The following FHIT variants were observed in gnomAD, a reference collection of about 807,000 sequenced individuals.
FHIT encodes the protein bis(5'-adenosyl)-triphosphatase.
Under a neutral mutation model 17.9 loss-of-function variants are expected in FHIT, and 19 were observed. The ratio of observed to expected loss-of-function variants is 1.06; its 90% CI spans 0.74 to 1.56. FHIT has a LOEUF of 1.56. Ranked by LOEUF, FHIT falls within the 40% of genes most tolerant of loss-of-function variation. The pLI is 0.00. For missense variants in FHIT, 248 were observed against 189.2 expected, an observed-to-expected ratio of 1.31 and a Z score of -1.82; for synonymous variants, 81 against 69.7, an observed-to-expected ratio of 1.16 and a Z score of -0.81.
chr3:59,935,279 CTGT>C (rs747454161), intron 7 of FHIT, among the ~76,000 whole-genome samples: 6 of 152,152 alleles, frequency 3.9e-5, no homozygotes, highest in African/African-American at 7.2e-5. Context: ...TGCTTCTCAG[CTGT>C]TGTTGTAGTC....
intron 4 of FHIT, among the ~76,000 whole-genome samples, chr3:60,678,126 G>T (rs1280293576): frequency 6.6e-6 from 1 of 151,782 alleles, no homozygotes. Flanking sequence ...CTTATCCTTG[G>T]TATTGTTATC....
chr3:60,435,057 C>A (rs182663253), intron 5 of FHIT, among the ~76,000 whole-genome samples: 1 of 152,060 alleles, frequency 6.6e-6, no homozygotes, highest in Admixed American at 6.6e-5. Context: ...CTTATCAGAC[C>A]ACCCCTTATC....
chr3:60,260,600 G>T (rs888579966), intron 5 of FHIT, among the ~76,000 whole-genome samples: 2 of 151,932 alleles, frequency 1.3e-5, no homozygotes, highest in African/African-American at 4.8e-5. Context: ...AATATATTAT[G>T]CTATTTTTTT....
intron 5 of FHIT, among the ~76,000 whole-genome samples, chr3:60,417,157 G>C (rs970929187): frequency 6.6e-6 from 1 of 151,428 alleles, no homozygotes; most frequent in Non-Finnish European, 1.5e-5. Flanking sequence ...GGCTAAAAAA[G>C]TGTGGCTACA....
intron 5 of FHIT, among the ~76,000 whole-genome samples, chr3:60,063,146 C>T (rs753330789): frequency 1.3e-5 from 2 of 152,118 alleles, no homozygotes; most frequent in African/African-American, 2.4e-5. Flanking sequence ...ACAAAATTCA[C>T]AGAGAAGGTG....
chr3:60,565,576 TC>T (rs1193576789), intron 4 of FHIT, among the ~76,000 whole-genome samples: 5 of 152,112 alleles, frequency 3.3e-5, no homozygotes, highest in Non-Finnish European at 7.4e-5. Context: ...AAATGAATAC[TC>T]AGAAAAATAT....
chr3:59,853,262 A>C (rs1027824053), intron 8 of FHIT, among the ~76,000 whole-genome samples: 6 of 152,182 alleles, frequency 3.9e-5, no homozygotes, highest in Non-Finnish European at 5.9e-5. Flanking sequence ...TCATTTTTGA[A>C]ATATCCACAT....
intron 3 of FHIT, among the ~76,000 whole-genome samples, chr3:61,041,839 T>C (rs539550552): frequency 6.6e-6 from 1 of 152,256 alleles, no homozygotes; most frequent in South Asian, 2.1e-4. Flanking sequence ...ATGATAATAA[T>C]GAAAAAAGTG....
At chr3:60,480,047 G>A (rs1456321996) in intron 5 of FHIT, among the ~76,000 whole-genome samples, 1 of 152,202 alleles carries the variant, frequency 6.6e-6, no homozygotes, top group Non-Finnish European at 1.5e-5. Context: ...ATGAAGAGAA[G>A]AGGCTTAATT....
chr3:59,829,836 T>C (rs1201364514), intron 8 of FHIT, among the ~76,000 whole-genome samples: 1 of 151,974 alleles, frequency 6.6e-6, no homozygotes. Flanking sequence ...ATAAGGGAGT[T>C]TGTAAGAAAA....
intron 4 of FHIT, among the ~76,000 whole-genome samples, chr3:60,676,657 C>A (rs1263417095): frequency 6.6e-6 from 1 of 152,168 alleles, no homozygotes; most frequent in African/African-American, 2.4e-5. Context: ...TTAGTATGTA[C>A]ATGCCAGGTA....
intron 4 of FHIT, among the ~76,000 whole-genome samples, chr3:60,595,174 T>G (rs559657453): frequency 5.9e-5 from 9 of 151,860 alleles, no homozygotes; most frequent in South Asian, 4.2e-4. Context: ...CAAGCCAAAG[T>G]TGAACAGTCT....
intron 5 of FHIT, among the ~76,000 whole-genome samples, chr3:60,447,837 C>T (rs1559921758): frequency 6.6e-6 from 1 of 152,068 alleles, no homozygotes; most frequent in Non-Finnish European, 1.5e-5. Context: ...ATATAGTGTC[C>T]TAGATGAAGA....
intron 5 of FHIT, among the ~76,000 whole-genome samples, chr3:60,213,285 C>A (rs1703540775): frequency 1.3e-5 from 2 of 152,184 alleles, no homozygotes; most frequent in South Asian, 4.1e-4. Context: ...CTCTGATCAG[C>A]TTTTGGCCTC....
At chr3:60,728,704 TACACACAC>T (rs56012549) in intron 4 of FHIT, among the ~76,000 whole-genome samples, 29 of 147,402 alleles carry the variant, frequency 2.0e-4, no homozygotes, top group Admixed American at 1.8e-3. Context: ...CACACACACA[TACACACAC>T]ACACACACAC....
intron 5 of FHIT, among the ~76,000 whole-genome samples, chr3:60,414,751 A>G (rs867767612): frequency 6.6e-6 from 1 of 152,346 alleles, no homozygotes; most frequent in South Asian, 2.1e-4. Context: ...GGATTACGGC[A>G]AGGAAGGCAT....
intron 5 of FHIT, among the ~76,000 whole-genome samples, chr3:60,530,564 G>C (rs979471166): frequency 6.6e-6 from 1 of 152,176 alleles, no homozygotes; most frequent in South Asian, 2.1e-4. Context: ...CTAGCAAGGA[G>C]GGCTTCCCCT....
At chr3:60,986,613 C>T (rs537738784) in intron 3 of FHIT, among the ~76,000 whole-genome samples, 3 of 152,296 alleles carry the variant, frequency 2.0e-5, no homozygotes, top group Non-Finnish European at 4.4e-5. Flanking sequence ...CAACTATCGC[C>T]ATTTTGATGC....
chr3:60,975,795 C>G (rs966084985), intron 3 of FHIT, among the ~76,000 whole-genome samples: 5 of 152,146 alleles, frequency 3.3e-5, no homozygotes, highest in African/African-American at 1.2e-4. Context: ...TATAATTTCA[C>G]TAAAAGCAAT....
Sources: gnomAD v4.1 joint callset for allele counts (sites outside exome capture counted in the v4.1 genomes callset) on GRCh38, gnomAD v4.1.1 for gene constraint, MANE v1.5 for transcripts, NCBI Gene and HGNC (gene_info 2026-07-23, HGNC 2026-07-21) for gene names.